GRIA3: variants seen among roughly 807,000 people sequenced by gnomAD.
The protein encoded by GRIA3 is glutamate ionotropic receptor AMPA type subunit 3.
In GRIA3, 3 loss-of-function variants were observed where a neutral mutation model predicts 63.0. The ratio of observed to expected loss-of-function variants is 0.05; its 90% CI spans 0.02 to 0.12. The LOEUF (loss-of-function observed/expected upper bound fraction) is 0.12. Ranked by LOEUF, GRIA3 falls within the 10% of genes least tolerant of loss-of-function variation. GRIA3 has a pLI of 1.00. For missense variants in GRIA3, 347 were observed against 700.9 expected, an observed-to-expected ratio of 0.50 and a Z score of 5.70; for synonymous variants, 274 against 257.9, an observed-to-expected ratio of 1.06 and a Z score of -0.60.
chrX:123,292,499 A>C (rs2044662191), intron 3 of GRIA3, among the ~76,000 whole-genome samples: 1 of 109,315 alleles, frequency 9.1e-6, no homozygotes, highest in South Asian at 4.0e-4. Flanking sequence ...ACCTCCCCCC[A>C]CCCCACACCC....
chrX:123,390,924 T>C (rs975157237), intron 5 of GRIA3, among the ~76,000 whole-genome samples: 1 of 111,304 alleles, frequency 9.0e-6, no homozygotes, highest in African/African-American at 3.3e-5. Flanking sequence ...TAGTGTTGAA[T>C]CTTTCAAATG....
At chrX:123,241,820 G>C (rs1294412726) in intron 2 of GRIA3, among the ~76,000 whole-genome samples, 1 of 110,706 alleles carries the variant, frequency 9.0e-6, no homozygotes, top group African/African-American at 3.3e-5. Flanking sequence ...GAAGTAGATT[G>C]TTTCTGCATA....
chrX:123,451,699 A>C (rs2045733267), intron 12 of GRIA3, among the ~76,000 whole-genome samples: 1 of 108,409 alleles, frequency 9.2e-6, no homozygotes, highest in Admixed American at 1.0e-4. Context: ...GGATGACTAA[A>C]AGGATTTTGA....
chrX:123,465,750 G>A (rs2045830379), intron 13 of GRIA3: 2 of 1,210,133 alleles, frequency 1.7e-6, no homozygotes, highest in Non-Finnish European at 2.2e-6. Flanking sequence ...ATGGTGGTAC[G>A]ACAAAGGAGA....
At chrX:123,370,748 A>AG in intron 5 of GRIA3, among the ~76,000 whole-genome samples, 1 of 104,565 alleles carries the variant, frequency 9.6e-6, no homozygotes, top group South Asian at 4.3e-4. Context: ...GTATATATAT[A>AG]TGTGTGTGTG....
chrX:123,206,001 C>T (rs1410070145), intron 2 of GRIA3, among the ~76,000 whole-genome samples: 1 of 111,278 alleles, frequency 9.0e-6, no homozygotes, highest in Admixed American at 9.6e-5. Context: ...AAAAGATGGT[C>T]GTGGGGGAGG....
chrX:123,357,150 T>C (rs760935236), intron 5 of GRIA3, among the ~76,000 whole-genome samples: 6 of 111,238 alleles, frequency 5.4e-5, no homozygotes, highest in Non-Finnish European at 9.4e-5. Context: ...TTCTTCCAAA[T>C]GGCAAATCAT....
chrX:123,206,126 T>C (rs1927881761), intron 2 of GRIA3, among the ~76,000 whole-genome samples: 1 of 111,717 alleles, frequency 9.0e-6, no homozygotes, highest in Non-Finnish European at 1.9e-5. Context: ...CATGGCAAAT[T>C]ATTGTGTGTT....
chrX:123,198,044 C>G (rs1927621695), intron 2 of GRIA3, among the ~76,000 whole-genome samples: 1 of 112,150 alleles, frequency 8.9e-6, no homozygotes, highest in Admixed American at 9.4e-5. Context: ...TGCCCTGGCA[C>G]ACAAATGGCA....
At position 123,373,350 on chromosome X, in the gene GRIA3, G is replaced by C. The variant is rs375055347; in HGVS notation, c.750+18387G>C. Reference sequence around the variant, plus strand: ...TATGTGTGCATGTGTCTTTATAGTAGCATAATTTATAATCCTTTGAGTATA... The same window carrying C: ...TATGTGTGCATGTGTCTTTATAGTACCATAATTTATAATCCTTTGAGTATA... On this transcript the variant is annotated intron_variant, in intron 5 of 15. Transcript: ENST00000620443. 3.6e-5 allele frequency among the ~76,000 whole-genome samples: 4 copies of C among 111,786 alleles called. No individual in the cohort carries two copies. In the South Asian group the frequency reaches 1.5e-3, roughly 42 times the overall value.
chrX:123,269,050 G>A (rs1196493954), intron 3 of GRIA3, among the ~76,000 whole-genome samples: 1 of 112,077 alleles, frequency 8.9e-6, no homozygotes, highest in East Asian at 2.8e-4. Flanking sequence ...TTACCCAACA[G>A]AATTGAAAGA....
At chrX:123,415,633 G>C (rs1272522939) in intron 10 of GRIA3, among the ~76,000 whole-genome samples, 2 of 111,478 alleles carry the variant, frequency 1.8e-5, no homozygotes. Context: ...TCTACTTTTG[G>C]GGGGATAGAT....
intron 12 of GRIA3, among the ~76,000 whole-genome samples, chrX:123,449,806 A>G (rs1371221173): frequency 8.9e-6 from 1 of 111,990 alleles, no homozygotes; most frequent in Non-Finnish European, 1.9e-5. Context: ...AATCTGTGCC[A>G]CAGTAGGACT....
In GRIA3 at chrX:123,488,698, C is replaced by T. The variant is rs1047080443; in HGVS notation, c.*3-15C>T. On this transcript the variant is annotated splice_polypyrimidine_tract_variant and intron_variant, in intron 15 of 15. Coordinates refer to ENST00000620443, the MANE Select transcript of GRIA3 (RefSeq NM_007325.5). ...GGAAGCCCCTTCAAATTTAAATATC[C>T]CCTTGCCTTTGCAGATCCCTTCCCA... The T allele has an allele frequency of 9.0e-6, 1 of 111,257 alleles. No individual in the cohort carries two copies. Among genetic ancestry groups the T allele is most frequent in the Admixed American group, 9.6e-5 (1 of 10,388 alleles). 9.2% of individuals were successfully genotyped at this position (111,257 alleles called of 1,213,427 possible). A position where few individuals can be genotyped will look rare whatever the true frequency, so the allele number is the denominator to read the frequency against.
intron 2 of GRIA3, among the ~76,000 whole-genome samples, chrX:123,222,770 C>G (rs1467347295): frequency 5.4e-5 from 6 of 111,591 alleles, no homozygotes; most frequent in African/African-American, 2.0e-4. Context: ...CTTGAGGTCC[C>G]TTCTTACTCT....
chrX:123,282,276 T>C (rs1471602470), intron 3 of GRIA3, among the ~76,000 whole-genome samples: 1 of 112,338 alleles, frequency 8.9e-6, no homozygotes, highest in Non-Finnish European at 1.9e-5. Context: ...CAATGATCTG[T>C]AGTATTATAC....
chrX:123,332,025 G>C lies in GRIA3; in HGVS notation c.696+5812G>C, dbSNP rs137914279. 4.5e-3 allele frequency among the ~76,000 whole-genome samples: 507 copies of C among 111,842 alleles called. 2 individuals are homozygous for C. The highest frequency in any genetic ancestry group is 0.016 in the African/African-American group (480 of 30,833). ...CTGTGTTCATGAAAATCAGTTATTT[G>C]AGAACTATTGCTGAAGAACAATGTC... On this transcript the variant is annotated intron_variant, in intron 4 of 15. Coordinates refer to ENST00000620443, the MANE Select transcript of GRIA3 (RefSeq NM_007325.5).
At chrX:123,195,237 AG>A (rs1927543757) in intron 2 of GRIA3, among the ~76,000 whole-genome samples, 1 of 112,827 alleles carries the variant, frequency 8.9e-6, no homozygotes, top group Admixed American at 9.4e-5. Context: ...CATTTATTAA[AG>A]CCGTACCACA....
At chrX:123,336,758 A>G (rs1036846046) in intron 4 of GRIA3, among the ~76,000 whole-genome samples, 21 of 111,774 alleles carry the variant, frequency 1.9e-4, no homozygotes, top group African/African-American at 6.5e-4. Flanking sequence ...AGTTCTATCT[A>G]TTTCAAGATC....
Sources: gnomAD v4.1 joint callset for allele counts (sites outside exome capture counted in the v4.1 genomes callset) on GRCh38, gnomAD v4.1.1 for gene constraint, MANE v1.5 for transcripts, NCBI Gene and HGNC (gene_info 2026-07-23, HGNC 2026-07-21) for gene names.